The following VRK1 variants were observed in gnomAD, a reference collection of about 807,000 sequenced individuals.
VRK1 encodes serine/threonine-protein kinase VRK1.
A neutral mutation model predicts 57.1 loss-of-function variants in VRK1; 33 were observed. That is an observed-to-expected ratio of 0.58 (90% CI 0.44 to 0.77). The LOEUF is 0.77. Ranked by LOEUF, VRK1 falls within the 30% of genes least tolerant of loss-of-function variation. The pLI is 0.00. For synonymous variants in VRK1, 137 were observed against 147.8 expected, an observed-to-expected ratio of 0.93 and a Z score of 0.53; for missense variants, 413 against 477.3, an observed-to-expected ratio of 0.87 and a Z score of 1.25.
intron 3 of VRK1, 142 bp from the exon 4 acceptor site, chr14:96,845,953 T>A (rs1011533994): frequency 8.0e-6 from 6 of 745,530 alleles, no homozygotes; most frequent in Admixed American, 2.4e-5. Flanking sequence ...GGAGTTTGAC[T>A]TAATCTTAAC....
chr14:96,837,577 A>G (rs1032716422), intron 2 of VRK1, among the ~76,000 whole-genome samples, 185 bp from the exon 3 acceptor site: 7 of 152,200 alleles, frequency 4.6e-5, no homozygotes, highest in Admixed American at 4.6e-4. Flanking sequence ...TGCATTCTCA[A>G]TTCAGATATG....
At chr14:96,874,369 G>A (rs1888943496) in intron 11 of VRK1, among the ~76,000 whole-genome samples, 1 of 152,164 alleles carries the variant, frequency 6.6e-6, no homozygotes, top group Non-Finnish European at 1.5e-5. Context: ...TCACAGGGGA[G>A]CTGCCCTGTG....
chr14:96,864,264 A>T (rs1349512063), intron 11 of VRK1, among the ~76,000 whole-genome samples: 2 of 152,200 alleles, frequency 1.3e-5, no homozygotes, highest in Non-Finnish European at 2.9e-5. Context: ...TATGTATAGA[A>T]AAGTACATGA....
At chr14:96,853,719 A>G (rs1379101399) in intron 7 of VRK1, among the ~76,000 whole-genome samples, 1 of 151,986 alleles carries the variant, frequency 6.6e-6, no homozygotes, top group African/African-American at 2.4e-5. Flanking sequence ...AGCTAATGTT[A>G]TTATACCTTT....
chr14:96,808,228 A>AGAT (rs971408169), intron 1 of VRK1, among the ~76,000 whole-genome samples: 1 of 152,126 alleles, frequency 6.6e-6, no homozygotes, highest in African/African-American at 2.4e-5. Context: ...GTACTGTGGT[A>AGAT]GATACTTGAA....
intron 7 of VRK1, among the ~76,000 whole-genome samples, chr14:96,854,588 A>G (rs1261450437): frequency 6.6e-6 from 1 of 152,206 alleles, no homozygotes; most frequent in Non-Finnish European, 1.5e-5. Flanking sequence ...ACGAATAAGT[A>G]TGTATATAAT....
At chr14:96,875,923 C>A in intron 11 of VRK1, 107 bp from the exon 12 acceptor site, 1 of 1,200,332 alleles carries the variant, frequency 8.3e-7, no homozygotes, top group Non-Finnish European at 1.2e-6. Flanking sequence ...TTTTGACACA[C>A]CCACACCTAT....
intron 1 of VRK1, among the ~76,000 whole-genome samples, chr14:96,823,065 T>G (rs1200277319): frequency 6.6e-6 from 1 of 152,212 alleles, no homozygotes; most frequent in Non-Finnish European, 1.5e-5. Flanking sequence ...ATGAGCAAAG[T>G]CCTTTCAGAG....
At chr14:96,807,994 C>CGTCTCT (rs572027557) in intron 1 of VRK1, among the ~76,000 whole-genome samples, 4 of 32,430 alleles carry the variant, frequency 1.2e-4, no homozygotes, top group African/African-American at 1.1e-4. Flanking sequence ...TCCCTCTCTC[C>CGTCTCT]CTCTCTCCCT....
chr14:96,881,088 T>A, intron 12 of VRK1, 89 bp from the exon 13 acceptor site: 58 of 1,081,942 alleles, frequency 5.4e-5, no homozygotes, highest in Non-Finnish European at 6.5e-5. Flanking sequence ...AAAATGTTAA[T>A]AACTATATTT....
chr14:96,800,716 A>G (rs891820227), intron 1 of VRK1, among the ~76,000 whole-genome samples: 6 of 152,128 alleles, frequency 3.9e-5, no homozygotes, highest in Non-Finnish European at 5.9e-5. Context: ...ATAGGATGGG[A>G]ACCAGTACTC....
intron 1 of VRK1, among the ~76,000 whole-genome samples, chr14:96,832,629 A>G (rs939836846): frequency 2.0e-5 from 3 of 152,186 alleles, no homozygotes; most frequent in African/African-American, 2.4e-5. Context: ...TCTTTTCACA[A>G]TAAAACACTG....
chr14:96,833,686 GA>G, intron 2 of VRK1, 55 bp downstream of exon 2: 2 of 1,610,844 alleles, frequency 1.2e-6, no homozygotes, highest in Non-Finnish European at 1.7e-6. Flanking sequence ...GTTTTCTTAT[GA>G]AAATGGTTTC....
chr14:96,824,718 G>A (rs1268076594), intron 1 of VRK1, among the ~76,000 whole-genome samples: 3 of 146,458 alleles, frequency 2.0e-5, no homozygotes, highest in Middle Eastern at 3.5e-3. Flanking sequence ...CAGTGGCGCC[G>A]TCTCGGCTCA....
At chr14:96,817,924 CT>C (rs1886456038) in intron 1 of VRK1, among the ~76,000 whole-genome samples, 1 of 152,144 alleles carries the variant, frequency 6.6e-6, no homozygotes, top group South Asian at 2.1e-4. Context: ...AAGTTGACAT[CT>C]TTTGGCTTGC....
intron 1 of VRK1, among the ~76,000 whole-genome samples, chr14:96,819,064 T>TG (rs1886498414): frequency 6.6e-6 from 1 of 152,208 alleles, no homozygotes; most frequent in East Asian, 1.9e-4. Flanking sequence ...GCAAAGGAGG[T>TG]GATGGAGTTC....
At chr14:96,880,902 T>A (rs1339677617) in intron 12 of VRK1, among the ~76,000 whole-genome samples, 1 of 152,162 alleles carries the variant, frequency 6.6e-6, no homozygotes, top group Non-Finnish European at 1.5e-5. Flanking sequence ...TTAGTAAAAA[T>A]TAGATACGTT....
chr14:96,811,750 A>G (rs1886214450), intron 1 of VRK1, among the ~76,000 whole-genome samples: 1 of 147,116 alleles, frequency 6.8e-6, no homozygotes, highest in Non-Finnish European at 1.5e-5. Flanking sequence ...TATCCTTGCT[A>G]TCACATTTTC....
intron 2 of VRK1, among the ~76,000 whole-genome samples, chr14:96,836,968 C>T (rs1258698581): frequency 6.6e-6 from 1 of 152,100 alleles, no homozygotes; most frequent in Non-Finnish European, 1.5e-5. Flanking sequence ...AGCCACTCTG[C>T]TTACCTTTCT....
Sources: allele counts gnomAD v4.1 joint callset (sites outside exome capture counted in the v4.1 genomes callset), GRCh38; gene constraint gnomAD v4.1.1; transcripts MANE v1.5; gene names NCBI Gene and HGNC (gene_info 2026-07-23, HGNC 2026-07-21).